FUCA2: variants seen among roughly 807,000 people sequenced by gnomAD.
FUCA2 encodes alpha-L-fucosidase 2, also known as plasma alpha-L-fucosidase.
Under a neutral mutation model 52.6 loss-of-function variants are expected in FUCA2, and 41 were observed. The observed-to-expected ratio is 0.78, with a 90% CI of 0.61 to 1.01. The LOEUF (loss-of-function observed/expected upper bound fraction) is 1.01, where lower values mean the gene tolerates loss of function less well. Among genes scored for constraint, FUCA2 ranks in the 50% least tolerant of loss-of-function variants. The pLI, the probability that FUCA2 is intolerant of heterozygous loss-of-function variation, is 0.00. For synonymous variants in FUCA2, 211 were observed against 217.3 expected, an observed-to-expected ratio of 0.97 and a Z score of 0.26; for missense variants, 507 against 569.5, an observed-to-expected ratio of 0.89 and a Z score of 1.12.
At position 143,507,025 on chromosome 6, in the gene FUCA2, C is replaced by T; in HGVS notation, c.412+212G>A. The stretch of plus-strand genomic sequence containing the variant: ...ATGTGACAAAACGTGACCATCTTTC[C>T]TCTGTTACGTGGCGGGTATGATCCT... On this transcript the variant is annotated intron_variant, in intron 2 of 6. Transcript: ENST00000002165. The surrounding 1 kb of genome is among the most constrained non-coding windows in gnomAD (Gnocchi z 4.5). 2.0e-6 allele frequency: 1 copy of T among 494,088 alleles called. No individual in the cohort carries two copies. The highest frequency in any genetic ancestry group is 5.1e-4 in the Middle Eastern group (1 of 1,968). 30.6% of individuals were successfully genotyped at this position (494,088 alleles called of 1,614,324 possible).
chr6:143,495,755 C>A lies in FUCA2; in HGVS notation c.1356G>T (p.Gln452His). Residue 452 changes from glutamine to histidine, a missense_variant, in exon 7 of 7, where the codon CAG becomes CAT. Transcript: ENST00000002165. This position sits in a 1 kb window ranked among gnomAD's most constrained non-coding sequence, Gnocchi z 5.2. ...GAGCCCAGCCCCATTTACACGGCAT[C>A]TGATGAATGGTTAGCTGTGGCAGTT... ...MVELPQLTIH[Q>H]MPCKWGWALA... is the part of the protein sequence containing the mutation. The A allele has an allele frequency of 1.2e-6, 2 of 1,614,108 alleles. No homozygotes were observed. The highest frequency in any genetic ancestry group is 1.7e-6 in the Non-Finnish European group (2 of 1,179,986).
rs536785997 is a variant in FUCA2 at position 143,499,739 on chromosome 6, C to A, written c.1154+2193G>T. Among the ~76,000 whole-genome samples, 8 of 152,082 alleles carry A rather than the reference C, an allele frequency of 5.3e-5. No individual in the cohort carries two copies. The highest frequency in any genetic ancestry group is 1.2e-4 in the Non-Finnish European group (8 of 68,030). On this transcript the variant is annotated intron_variant, in intron 5 of 6. Transcript: ENST00000002165. The surrounding 1 kb of genome is among the most constrained non-coding windows in gnomAD (Gnocchi z 6.0). ...ACTGGGGACTCATCACTGGAACTGG[C>A]AAGGCAGATGTTATTGTGGGCCTTG... is the stretch of plus-strand genomic sequence containing the variant.
intron 5 of FUCA2, among the ~76,000 whole-genome samples, chr6:143,498,447 G>A (rs1345778360): frequency 6.6e-6 from 1 of 152,184 alleles, no homozygotes; most frequent in Non-Finnish European, 1.5e-5. Context: ...AATAGTCAGG[G>A]AAGACTTCTT....
rs570727099 is a variant in FUCA2, at chr6:143,511,657, C to T, written c.-23G>A. 1.4e-5 allele frequency: 21 copies of T among 1,474,156 alleles called. No homozygotes were observed. The African/African-American group carries it at 2.4e-4, about 17-fold the overall frequency. 91.3% of individuals were successfully genotyped at this position (1,474,156 alleles called of 1,614,324 possible). A position where few individuals can be genotyped will look rare whatever the true frequency, so the allele number is the denominator to read the frequency against. ...CATGTCCCGGCGCAGGCCGGCTGTCCTCTCTGCAGGCTCCCGCGGCCTCGG... is the reference window on the plus strand; with the variant it reads ...CATGTCCCGGCGCAGGCCGGCTGTCTTCTCTGCAGGCTCCCGCGGCCTCGG... On this transcript the variant is annotated 5_prime_UTR_variant, in exon 1 of 7. Coordinates refer to ENST00000002165, the MANE Select transcript of FUCA2 (RefSeq NM_032020.5). This position sits in a 1 kb window ranked among gnomAD's most constrained non-coding sequence, Gnocchi z 6.3.
chr6:143,498,783 T>C (rs1354313752), intron 5 of FUCA2, among the ~76,000 whole-genome samples: 1 of 152,124 alleles, frequency 6.6e-6, no homozygotes, highest in Non-Finnish European at 1.5e-5. Context: ...CTGATTGCTT[T>C]GTGGTGAATA....
rs922775989 is a variant in FUCA2, at chr6:143,494,873, T to C, written c.*834A>G. 9 of 152,362 alleles carry C rather than the reference T, an allele frequency of 5.9e-5. No homozygotes were observed. The highest frequency in any genetic ancestry group is 3.4e-3 in the Middle Eastern group (1 of 294). 9.4% of individuals were successfully genotyped at this position (152,362 alleles called of 1,614,324 possible). A position where few individuals can be genotyped will look rare whatever the true frequency, so the allele number is the denominator to read the frequency against. On this transcript the variant is annotated 3_prime_UTR_variant, in exon 7 of 7. Coordinates refer to ENST00000002165, the MANE Select transcript of FUCA2 (RefSeq NM_032020.5). This position sits in a 1 kb window ranked among gnomAD's most constrained non-coding sequence, Gnocchi z 6.6. ...GTTATTACAAAAGAGCCAAAAAGGT[T>C]TTAAAAATTAAAACGTTTGTAAAGT...
In FUCA2 at chr6:143,502,072, C is replaced by T. The variant is rs370801873; in HGVS notation, c.1014G>A (p.Gly338=). The T allele has an allele frequency of 1.1e-5, 17 of 1,612,520 alleles. No individual in the cohort carries two copies. Among genetic ancestry groups the T allele is most frequent in the African/African-American group, 1.3e-5 (1 of 74,730 alleles). ...SCGGNLLMNI[G]PTLDGTISVV... Reference sequence around the variant, plus strand: ...CAGAAATGGTGCCATCTAGTGTGGGCCCAATATTCATCAAAAGATTTCCTC... The same window carrying T: ...CAGAAATGGTGCCATCTAGTGTGGGTCCAATATTCATCAAAAGATTTCCTC... Residue 338 remains glycine (G), a synonymous_variant, in exon 5 of 7, where the codon GGG becomes GGA. Coordinates refer to ENST00000002165, the MANE Select transcript of FUCA2 (RefSeq NM_032020.5). The surrounding 1 kb of genome is among the most constrained non-coding windows in gnomAD (Gnocchi z 4.1).
rs770415152 is a variant in FUCA2 at position 143,500,572 on chromosome 6, G to A, written c.1154+1360C>T. 4.6e-5 allele frequency among the ~76,000 whole-genome samples: 7 copies of A among 152,280 alleles called. No homozygotes were observed. The highest frequency in any genetic ancestry group is 2.1e-4 in the South Asian group (1 of 4,820). ...AAAACTCAGGGCTTCAGTTGTGGAC[G>A]TACAGGTCTAAGATGCTATGCATCC... is the stretch of plus-strand genomic sequence containing the variant. On this transcript the variant is annotated intron_variant, in intron 5 of 6. Coordinates refer to ENST00000002165, the MANE Select transcript of FUCA2 (RefSeq NM_032020.5). This position sits in a 1 kb window ranked among gnomAD's most constrained non-coding sequence, Gnocchi z 6.9.
Position 143,507,402 on chromosome 6 carries a change from T to A in FUCA2, c.247A>T (p.Ile83Leu). 1 of 1,599,182 alleles carries A rather than the reference T, an allele frequency of 6.3e-7. No individual in the cohort carries two copies. Among genetic ancestry groups the A allele is most frequent in the Non-Finnish European group, 8.5e-7 (1 of 1,176,288 alleles). The change falls in exon 2 of 7, where the codon ATA becomes TTA. Residue 83 changes from isoleucine to leucine, a missense_variant. Ile to Leu is a conservative substitution (Grantham distance 5). Coordinates refer to ENST00000002165, the MANE Select transcript of FUCA2 (RefSeq NM_032020.5). The surrounding 1 kb of genome is among the most constrained non-coding windows in gnomAD (Gnocchi z 4.5). ...TTCATAAATTCCACATACTTCGGTA[T>A]CTTTTCCTTTTGCCAATACCACCTA... ...WFWWYWQKEKIPKYVEFMKDN... is the reference protein window; with the variant it reads ...WFWWYWQKEKLPKYVEFMKDN...
chr6:143,495,775 G>A lies in FUCA2; in HGVS notation c.1336C>T (p.Pro446Ser). 1 of 1,614,064 alleles carries A rather than the reference G, an allele frequency of 6.2e-7. No homozygotes were observed. The highest frequency in any genetic ancestry group is 8.5e-7 in the Non-Finnish European group (1 of 1,179,964). The change falls in exon 7 of 7, where the codon CCA becomes TCA. Residue 446 changes from proline to serine, a missense_variant. Physicochemically the swap from Pro to Ser is moderately conservative, Grantham distance 74 (BLOSUM62 -1). Coordinates refer to ENST00000002165, the MANE Select transcript of FUCA2 (RefSeq NM_032020.5). The surrounding 1 kb of genome is among the most constrained non-coding windows in gnomAD (Gnocchi z 5.2). ...LEQNGIMVEL[P>S]QLTIHQMPCK... ...GGCATCTGATGAATGGTTAGCTGTG[G>A]CAGTTCTACCATAATGCCATTTTGC...
Position 143,500,832 on chromosome 6 carries a change from G to T in FUCA2, c.1154+1100C>A, listed in dbSNP as rs1780518238. Among the ~76,000 whole-genome samples, 1 of 152,152 alleles carries T rather than the reference G, an allele frequency of 6.6e-6. No individual in the cohort carries two copies. Among genetic ancestry groups the T allele is most frequent in the Admixed American group, 6.5e-5 (1 of 15,276 alleles). ...CTCAAAGGATTTTAAGGGTTGACCT[G>T]GGAGTCTGTAGGTGACTGCAAGAAG... On this transcript the variant is annotated intron_variant, in intron 5 of 6. Coordinates refer to ENST00000002165, the MANE Select transcript of FUCA2 (RefSeq NM_032020.5). The surrounding 1 kb of genome is among the most constrained non-coding windows in gnomAD (Gnocchi z 6.9).
chr6:143,511,706 C>A lies in FUCA2; in HGVS notation c.-72G>T. On this transcript the variant is annotated 5_prime_UTR_variant, in exon 1 of 7. Coordinates refer to ENST00000002165, the MANE Select transcript of FUCA2 (RefSeq NM_032020.5). This position sits in a 1 kb window ranked among gnomAD's most constrained non-coding sequence, Gnocchi z 6.3. ...GGGAGCGCTGTTCTTCCGTCTCTGC[C>A]GCTGAGTATGCCGCGCCGCGGTCAC... The A allele has an allele frequency of 1.5e-6, 2 of 1,339,202 alleles. No individual in the cohort carries two copies. Among genetic ancestry groups the A allele is most frequent in the Non-Finnish European group, 2.0e-6 (2 of 1,016,300 alleles). The allele number at this position is 1,339,202 out of a possible 1,614,324, so 83.0% of individuals were successfully genotyped here.
At position 143,500,321 on chromosome 6, in the gene FUCA2, C is replaced by T. The variant is rs1458365384; in HGVS notation, c.1154+1611G>A. Among the ~76,000 whole-genome samples, 3 of 152,076 alleles carry T rather than the reference C, an allele frequency of 2.0e-5. No individual in the cohort carries two copies. The highest frequency in any genetic ancestry group is 7.2e-5 in the African/African-American group (3 of 41,392). ...TCCCTTTGGAAGCCGAAGTGCCATG[C>T]AGAGTGAGCCAAAATATAAGAAGTG... On this transcript the variant is annotated intron_variant, in intron 5 of 6. Transcript: ENST00000002165. The surrounding 1 kb of genome is among the most constrained non-coding windows in gnomAD (Gnocchi z 6.9).
At position 143,510,999 on chromosome 6, in the gene FUCA2, A is replaced by AG. The variant is rs200858206; in HGVS notation, c.224+411dup. On this transcript the variant is annotated intron_variant, in intron 1 of 6. Coordinates refer to ENST00000002165, the MANE Select transcript of FUCA2 (RefSeq NM_032020.5). This position sits in a 1 kb window ranked among gnomAD's most constrained non-coding sequence, Gnocchi z 4.4. ...TATGTTTTAACCATAACTTCATGGC[A>AG]GAACGACTGTAAATTGGCAGGTAGC... 1.3e-3 allele frequency among the ~76,000 whole-genome samples: 193 copies of AG among 152,366 alleles called. 1 individual carries two copies. The highest frequency in any genetic ancestry group is 4.2e-3 in the African/African-American group (176 of 41,584).
At position 143,511,467 on chromosome 6, in the gene FUCA2, G is replaced by C; in HGVS notation, c.168C>G (p.Gly56=). 6.2e-7 allele frequency: 1 copy of C among 1,609,660 alleles called. No homozygotes were observed. The highest frequency in any genetic ancestry group is 2.2e-5 in the East Asian group (1 of 44,658). Residue 56 remains glycine, a synonymous_variant, in exon 1 of 7, where the codon GGC becomes GGG. Transcript: ENST00000002165. The surrounding 1 kb of genome is among the most constrained non-coding windows in gnomAD (Gnocchi z 6.3). ...AAAACACTCCCCAGTGGATGAAGAT[G>C]CCGAACTTGGCCTGGTCAAACCACG... ...LPAWFDQAKF[G]IFIHWGVFSV...
Position 143,497,425 on chromosome 6 carries a change from G to C in FUCA2, c.1227C>G (p.Phe409Leu). Residue 409 changes from phenylalanine (F) to leucine (L), a missense_variant, in exon 6 of 7, where the codon TTC becomes TTG. Phe to Leu is a conservative substitution (Grantham distance 22). Transcript: ENST00000002165. This position sits in a 1 kb window ranked among gnomAD's most constrained non-coding sequence, Gnocchi z 5.3. ...CCAGAATAGCTTTGGGATGGCCAAG[G>C]AACAGCTGTCCTGATGTGGGCCATT... is the stretch of plus-strand genomic sequence containing the variant. ...FLKWPTSGQL[F>L]LGHPKAILGA... 6.2e-7 allele frequency: 1 copy of C among 1,613,824 alleles called. No homozygotes were observed. The highest frequency in any genetic ancestry group is 8.5e-7 in the Non-Finnish European group (1 of 1,179,750).
At chr6:143,505,586 G>C (rs1168868904) in intron 2 of FUCA2, 2 of 152,136 alleles carry the variant, frequency 1.3e-5, no homozygotes, top group Non-Finnish European at 2.9e-5. Flanking sequence ...CAAAGTGTTG[G>C]AATTATAGAT....
In FUCA2 at chr6:143,497,329, T is replaced by C; in HGVS notation, c.1263+60A>G. On this transcript the variant is annotated intron_variant, in intron 6 of 6. Transcript: ENST00000002165. This position sits in a 1 kb window ranked among gnomAD's most constrained non-coding sequence, Gnocchi z 5.3. Reference sequence around the variant, plus strand: ...TTATAAGGCTCCCCTTAAAAGTTAATGTTTGCATCAAGATGTTCTAATCAG... The same window carrying C: ...TTATAAGGCTCCCCTTAAAAGTTAACGTTTGCATCAAGATGTTCTAATCAG... 9.4e-7 allele frequency: 1 copy of C among 1,067,408 alleles called. No individual in the cohort carries two copies. Among genetic ancestry groups the C allele is most frequent in the Non-Finnish European group, 1.5e-6 (1 of 683,568 alleles). The allele number at this position is 1,067,408 out of a possible 1,614,324, so 66.1% of individuals were successfully genotyped here.
chr6:143,511,461 G>A lies in FUCA2; in HGVS notation c.174C>T (p.Phe58=). The change falls in exon 1 of 7, where the codon TTC becomes TTT. Residue 58 remains phenylalanine, a synonymous_variant. Transcript: ENST00000002165. This position sits in a 1 kb window ranked among gnomAD's most constrained non-coding sequence, Gnocchi z 6.3. ...GCACGGAAAACACTCCCCAGTGGAT[G>A]AAGATGCCGAACTTGGCCTGGTCAA... is the stretch of plus-strand genomic sequence containing the variant. The part of the protein sequence containing the change: ...AWFDQAKFGI[F]IHWGVFSVPS... The A allele has an allele frequency of 6.2e-7, 1 of 1,610,528 alleles. No individual in the cohort carries two copies. Among genetic ancestry groups the A allele is most frequent in the Non-Finnish European group, 8.5e-7 (1 of 1,178,416 alleles).
Sources: allele counts gnomAD v4.1 joint callset (sites outside exome capture counted in the v4.1 genomes callset), GRCh38; gene constraint gnomAD v4.1.1; non-coding constraint Gnocchi (gnomAD v3.1); transcripts MANE v1.5; gene names NCBI Gene and HGNC (gene_info 2026-07-23, HGNC 2026-07-21).